Variants in DCBLD2 observed in about 807,000 individuals in gnomAD.
DCBLD2 encodes the protein discoidin, CUB and LCCL domain containing 2, also known as discoidin, CUB and LCCL domain-containing protein 2.
A neutral mutation model predicts 86.8 loss-of-function variants in DCBLD2; 54 were observed. The observed-to-expected ratio is 0.62, with a 90% CI of 0.50 to 0.78. The LOEUF is 0.78. DCBLD2 is among the 30% of genes least tolerant of loss of function. The pLI, the probability that DCBLD2 is intolerant of heterozygous loss-of-function variation, is 0.00. For synonymous variants in DCBLD2, 354 were observed against 341.3 expected, an observed-to-expected ratio of 1.04 and a Z score of -0.41; for missense variants, 908 against 954.2, an observed-to-expected ratio of 0.95 and a Z score of 0.64.
intron 3 of DCBLD2, among the ~76,000 whole-genome samples, chr3:98,834,979 T>TTA (rs1399464150): frequency 1.3e-4 from 20 of 148,654 alleles, no homozygotes; most frequent in African/African-American, 4.6e-4. Context: ...TCTTTTTTTT[T>TTA]TTTATTTTTT....
rs186547438 is a variant in DCBLD2 at position 98,854,242 on chromosome 3, G to A, written c.434-4644C>T. Among the ~76,000 whole-genome samples, 225 of 152,246 alleles carry A rather than the reference G, an allele frequency of 1.5e-3. 1 individual carries two copies. Among genetic ancestry groups the A allele is most frequent in the Non-Finnish European group, 1.7e-3 (119 of 68,028 alleles). Reference sequence around the variant, plus strand: ...CTCCTGAACAATGTTTACCATAGATGCTATCATTAAATAACTCCCATCAGT... The same window carrying A: ...CTCCTGAACAATGTTTACCATAGATACTATCATTAAATAACTCCCATCAGT... On this transcript the variant is annotated intron_variant, in intron 2 of 15. Coordinates refer to ENST00000326840, the MANE Select transcript of DCBLD2 (RefSeq NM_080927.4).
At chr3:98,809,343 A>T (rs1941894510) in intron 12 of DCBLD2, among the ~76,000 whole-genome samples, 1 of 150,562 alleles carries the variant, frequency 6.6e-6, no homozygotes, top group Admixed American at 6.6e-5. Context: ...CATCTTCTTT[A>T]TTCCTTAAAA....
At chr3:98,897,212 C>G (rs1202473936) in intron 1 of DCBLD2, among the ~76,000 whole-genome samples, 2 of 152,106 alleles carry the variant, frequency 1.3e-5, no homozygotes, top group East Asian at 3.9e-4. Context: ...ATAATATGTT[C>G]TTTTTGTTTC....
At chr3:98,869,925 A>G (rs1328118571) in intron 2 of DCBLD2, among the ~76,000 whole-genome samples, 1 of 152,254 alleles carries the variant, frequency 6.6e-6, no homozygotes, top group Non-Finnish European at 1.5e-5. Flanking sequence ...ATGGAGTGCT[A>G]TAAATAGGAT....
chr3:98,882,199 ATATAATT>A (rs1406794955), intron 1 of DCBLD2, among the ~76,000 whole-genome samples: 3 of 152,226 alleles, frequency 2.0e-5, no homozygotes, highest in Non-Finnish European at 4.4e-5. Flanking sequence ...ATGGTTACTT[ATATAATT>A]TATAAGTTCA....
At chr3:98,831,447 G>A (rs183430228) in intron 3 of DCBLD2, among the ~76,000 whole-genome samples, 11 of 152,044 alleles carry the variant, frequency 7.2e-5, no homozygotes, top group Middle Eastern at 3.4e-3. Context: ...GTTTTTCTGC[G>A]TCTCACTGTC....
chr3:98,855,281 T>C (rs1247226552), intron 2 of DCBLD2, among the ~76,000 whole-genome samples: 1 of 152,176 alleles, frequency 6.6e-6, no homozygotes, highest in African/African-American at 2.4e-5. Flanking sequence ...GCAAACTATG[T>C]ATAACATGCC....
rs761931398 is a variant in DCBLD2, at chr3:98,796,261, A to G, written c.*3111T>C. The G allele has an allele frequency of 2.6e-5, 4 of 152,536 alleles. No homozygotes were observed. Among genetic ancestry groups the G allele is most frequent in the Admixed American group, 2.6e-4 (4 of 15,270 alleles). The allele number at this position is 152,536 out of a possible 1,614,324, so 9.4% of individuals were successfully genotyped here. On this transcript the variant is annotated 3_prime_UTR_variant, in exon 16 of 16. Coordinates refer to ENST00000326840, the MANE Select transcript of DCBLD2 (RefSeq NM_080927.4). ...CCACACACACACACACAAAAACAAAACAAAACAAAAAAAAACAGTCACAAG... is the reference window on the plus strand; with the variant it reads ...CCACACACACACACACAAAAACAAAGCAAAACAAAAAAAAACAGTCACAAG...
At chr3:98,889,309 G>A (rs964927688) in intron 1 of DCBLD2, among the ~76,000 whole-genome samples, 7 of 151,894 alleles carry the variant, frequency 4.6e-5, no homozygotes, top group African/African-American at 1.7e-4. Context: ...TCTCTTATTT[G>A]GTGGTACTCA....
At chr3:98,900,976 T>C (rs1943838183) in intron 1 of DCBLD2, 146 bp downstream of exon 1, 4 of 1,397,794 alleles carry the variant, frequency 2.9e-6, no homozygotes, top group Non-Finnish European at 2.9e-6. Context: ...CCTTTGCAAC[T>C]CAACCCCGTG....
At chr3:98,882,476 G>C (rs960034259) in intron 1 of DCBLD2, among the ~76,000 whole-genome samples, 1 of 151,730 alleles carries the variant, frequency 6.6e-6, no homozygotes. Context: ...TGCACAATGC[G>C]CAGGTTACAC....
chr3:98,856,868 T>C (rs1386531680), intron 2 of DCBLD2, among the ~76,000 whole-genome samples: 1 of 151,858 alleles, frequency 6.6e-6, no homozygotes, highest in East Asian at 1.9e-4. Context: ...AAAAGAATAT[T>C]TAAAAAGTAA....
At chr3:98,821,806 C>T (rs1304059758) in intron 6 of DCBLD2, among the ~76,000 whole-genome samples, 6 of 152,056 alleles carry the variant, frequency 3.9e-5, no homozygotes, top group South Asian at 4.2e-4. Flanking sequence ...CCAGCACTTT[C>T]GGTGGCCGAG....
At chr3:98,886,150 A>G (rs112779238) in intron 1 of DCBLD2, among the ~76,000 whole-genome samples, 139 of 152,046 alleles carry the variant, frequency 9.1e-4, no homozygotes, top group African/African-American at 3.2e-3. Context: ...TATACTAAAG[A>G]GTTTTATGTT....
intron 2 of DCBLD2, among the ~76,000 whole-genome samples, chr3:98,851,672 G>A (rs1942839496): frequency 6.6e-6 from 1 of 152,178 alleles, no homozygotes; most frequent in African/African-American, 2.4e-5. Flanking sequence ...CACGCTACCT[G>A]ACTTCAAACT....
In DCBLD2 at chr3:98,799,364, C is replaced by T; in HGVS notation, c.*8G>A. The T allele has an allele frequency of 2.5e-6, 4 of 1,591,634 alleles. No individual in the cohort carries two copies. Among genetic ancestry groups the T allele is most frequent in the Non-Finnish European group, 3.4e-6 (4 of 1,168,332 alleles). On this transcript the variant is annotated 3_prime_UTR_variant, in exon 16 of 16. Transcript: ENST00000326840. ...TAAAACGATGCTTTGTAAAAAGCAGCATCATCTTCAAAGGATTTCTTTAAA... is the reference window on the plus strand; with the variant it reads ...TAAAACGATGCTTTGTAAAAAGCAGTATCATCTTCAAAGGATTTCTTTAAA...
chr3:98,862,031 T>A (rs1943053784), intron 2 of DCBLD2, among the ~76,000 whole-genome samples: 1 of 151,626 alleles, frequency 6.6e-6, no homozygotes, highest in South Asian at 2.1e-4. Context: ...TAAAAAATGA[T>A]AAAGGGGATA....
At chr3:98,867,106 G>A (rs1032349642) in intron 2 of DCBLD2, among the ~76,000 whole-genome samples, 16 of 152,194 alleles carry the variant, frequency 1.1e-4, no homozygotes, top group Non-Finnish European at 1.5e-4. Flanking sequence ...TTTGGTTACT[G>A]TAGCCTTGTA....
chr3:98,860,933 T>C (rs1213244351), intron 2 of DCBLD2, among the ~76,000 whole-genome samples: 2 of 152,132 alleles, frequency 1.3e-5, no homozygotes, highest in African/African-American at 4.8e-5. Flanking sequence ...GACTGGCAAA[T>C]TGGATAAAGA....
Sources: gnomAD v4.1 joint callset for allele counts (sites outside exome capture counted in the v4.1 genomes callset) on GRCh38, gnomAD v4.1.1 for gene constraint, MANE v1.5 for transcripts, NCBI Gene and HGNC (gene_info 2026-07-23, HGNC 2026-07-21) for gene names.